Variants in ELMO1 observed in about 807,000 individuals in gnomAD.
ELMO1 encodes the protein engulfment and cell motility protein 1.
ELMO1 carries 26 observed loss-of-function variants against 98.9 expected under a neutral mutation model. The ratio of observed to expected loss-of-function variants is 0.26; its 90% confidence interval spans 0.19 to 0.36. The LOEUF (loss-of-function observed/expected upper bound fraction) is 0.36. Among genes scored for constraint, ELMO1 ranks in the 10% least tolerant of loss-of-function variants. The pLI, the probability that ELMO1 is intolerant of heterozygous loss-of-function variation, is 1.00. For synonymous variants in ELMO1, 346 were observed against 346.0 expected, an observed-to-expected ratio of 1.00 and a Z score of 0.00; for missense variants, 627 against 935.2, an observed-to-expected ratio of 0.67 and a Z score of 4.30.
chr7:37,183,668 T>C (rs1791021645), intron 13 of ELMO1, among the ~76,000 whole-genome samples: 1 of 152,090 alleles, frequency 6.6e-6, no homozygotes, highest in African/African-American at 2.4e-5. Flanking sequence ...AGGGCCATAG[T>C]CTATGTCCCC....
At chr7:37,195,171 A>C (rs923947378) in intron 13 of ELMO1, among the ~76,000 whole-genome samples, 5 of 152,190 alleles carry the variant, frequency 3.3e-5, no homozygotes, top group African/African-American at 1.2e-4. Flanking sequence ...AGAATTGTAG[A>C]GGACAGGGGA....
chr7:37,113,631 G>C (rs1785384526), intron 14 of ELMO1, among the ~76,000 whole-genome samples: 1 of 152,194 alleles, frequency 6.6e-6, no homozygotes, highest in Admixed American at 6.5e-5. Context: ...CAACAAGGGT[G>C]CTATGGACGG....
chr7:36,997,302 C>T (rs993750233), intron 16 of ELMO1, among the ~76,000 whole-genome samples: 24 of 152,116 alleles, frequency 1.6e-4, no homozygotes, highest in African/African-American at 5.6e-4. Context: ...TCTGTCTTAA[C>T]AACACCTTTA....
intron 15 of ELMO1, among the ~76,000 whole-genome samples, chr7:37,031,412 CAT>C (rs1460855498): frequency 6.6e-6 from 1 of 152,050 alleles, no homozygotes; most frequent in Non-Finnish European, 1.5e-5. Flanking sequence ...TAATGAAAAA[CAT>C]AAACTGTTTG....
intron 4 of ELMO1, among the ~76,000 whole-genome samples, chr7:37,272,318 A>G (rs1429209079): frequency 6.6e-6 from 1 of 152,224 alleles, no homozygotes; most frequent in Non-Finnish European, 1.5e-5. Flanking sequence ...ATTACTTGAT[A>G]AATGGATAAG....
At chr7:37,104,611 G>A (rs1435252301) in intron 14 of ELMO1, among the ~76,000 whole-genome samples, 1 of 152,216 alleles carries the variant, frequency 6.6e-6, no homozygotes, top group African/African-American at 2.4e-5. Flanking sequence ...CTAGAGAGAG[G>A]CGGCCATCCA....
intron 15 of ELMO1, among the ~76,000 whole-genome samples, chr7:37,020,961 G>C (rs1794231773): frequency 6.6e-6 from 1 of 152,144 alleles, no homozygotes; most frequent in African/African-American, 2.4e-5. Context: ...ACTATTTGTG[G>C]TTCTAGGGTC....
intron 18 of ELMO1, among the ~76,000 whole-genome samples, chr7:36,886,874 T>C (rs554060737): frequency 1.6e-4 from 24 of 152,358 alleles, no homozygotes; most frequent in African/African-American, 4.6e-4. Context: ...TAAGTGATGC[T>C]ACCCTATCTT....
At position 36,999,097 on chromosome 7, in the gene ELMO1, C is replaced by T. The variant is rs575238738; in HGVS notation, c.1437+14202G>A. Among the ~76,000 whole-genome samples, 7 of 152,008 alleles carry T rather than the reference C, an allele frequency of 4.6e-5. No individual in the cohort carries two copies. The East Asian group carries it at 5.8e-4, about 13-fold the overall frequency. On this transcript the variant is annotated intron_variant, in intron 16 of 21. Coordinates refer to ENST00000310758, the MANE Select transcript of ELMO1 (RefSeq NM_014800.11). ...TCAAAGCACAGAAGGAGGCCATCCCCGGGGCCACAGCATTGTCTAGGAGGG... is the reference window on the plus strand; with the variant it reads ...TCAAAGCACAGAAGGAGGCCATCCCTGGGGCCACAGCATTGTCTAGGAGGG...
At chr7:36,991,432 T>A (rs551666837) in intron 16 of ELMO1, among the ~76,000 whole-genome samples, 19 of 152,222 alleles carry the variant, frequency 1.2e-4, no homozygotes, top group Non-Finnish European at 2.5e-4. Context: ...GAAACTACTT[T>A]ATTTCATTCA....
At chr7:36,987,347 T>C (rs1791583167) in intron 16 of ELMO1, among the ~76,000 whole-genome samples, 1 of 152,162 alleles carries the variant, frequency 6.6e-6, no homozygotes, top group South Asian at 2.1e-4. Flanking sequence ...CTGGTCAGAC[T>C]CGAGGGGGCT....
intron 15 of ELMO1, among the ~76,000 whole-genome samples, chr7:37,074,370 T>C (rs755093304): frequency 2.6e-5 from 4 of 152,140 alleles, no homozygotes; most frequent in Non-Finnish European, 5.9e-5. Context: ...TACTCTTTGC[T>C]CAGTAGCTTA....
intron 20 of ELMO1, among the ~76,000 whole-genome samples, chr7:36,865,482 G>A (rs1308822955): frequency 4.6e-5 from 7 of 152,084 alleles, no homozygotes; most frequent in East Asian, 1.9e-4. Context: ...CAGCGTAACC[G>A]GCCAATAGTT....
chr7:37,052,393 G>C (rs942035247), intron 15 of ELMO1, among the ~76,000 whole-genome samples: 1 of 152,202 alleles, frequency 6.6e-6, no homozygotes, highest in Non-Finnish European at 1.5e-5. Flanking sequence ...GTATGTATTA[G>C]AGAAATAAAA....
intron 13 of ELMO1, among the ~76,000 whole-genome samples, chr7:37,151,542 A>C (rs1373085435): frequency 6.6e-6 from 1 of 152,190 alleles, no homozygotes; most frequent in Non-Finnish European, 1.5e-5. Context: ...CACTTAAGTG[A>C]CACTATCTGG....
At chr7:37,123,900 C>T (rs1786289658) in intron 14 of ELMO1, among the ~76,000 whole-genome samples, 1 of 152,176 alleles carries the variant, frequency 6.6e-6, no homozygotes, top group Non-Finnish European at 1.5e-5. Flanking sequence ...AAAATACTGG[C>T]AAACCGAATC....
intron 3 of ELMO1, among the ~76,000 whole-genome samples, chr7:37,315,250 CAAAG>C (rs1406149017): frequency 6.6e-6 from 1 of 152,102 alleles, no homozygotes; most frequent in Non-Finnish European, 1.5e-5. Flanking sequence ...GAAAGAAAAA[CAAAG>C]AAAATAAATG....
At chr7:37,425,518 T>C (rs1804660871) in intron 1 of ELMO1, among the ~76,000 whole-genome samples, 1 of 152,242 alleles carries the variant, frequency 6.6e-6, no homozygotes, top group South Asian at 2.1e-4. Context: ...GGTTCAATGC[T>C]GTACCACTAA....
chr7:36,933,177 A>G (rs919549320), intron 16 of ELMO1, among the ~76,000 whole-genome samples: 3 of 152,202 alleles, frequency 2.0e-5, no homozygotes, highest in African/African-American at 7.2e-5. Context: ...CTTTGAGAAG[A>G]CTATGAGACT....
Sources: allele counts gnomAD v4.1 joint callset (sites outside exome capture counted in the v4.1 genomes callset), GRCh38; gene constraint gnomAD v4.1.1; transcripts MANE v1.5; gene names NCBI Gene and HGNC (gene_info 2026-07-23, HGNC 2026-07-21).